TOX: variants seen among roughly 807,000 people sequenced by gnomAD.
TOX encodes the protein thymocyte selection associated high mobility group box.
TOX carries 11 observed loss-of-function variants against 53.7 expected under a neutral mutation model. That is an observed-to-expected ratio of 0.20 (90% CI 0.13 to 0.34). The LOEUF (loss-of-function observed/expected upper bound fraction) is 0.34, where lower values mean the gene tolerates loss of function less well. Among genes scored for constraint, TOX ranks in the 10% least tolerant of loss-of-function variants. TOX has a pLI of 1.00. For missense variants in TOX, 570 were observed against 664.6 expected, an observed-to-expected ratio of 0.86 and a Z score of 1.56; for synonymous variants, 225 against 245.3, an observed-to-expected ratio of 0.92 and a Z score of 0.77.
intron 3 of TOX, among the ~76,000 whole-genome samples, chr8:58,910,459 T>C (rs1421945883): frequency 1.3e-5 from 2 of 152,200 alleles, no homozygotes; most frequent in East Asian, 3.8e-4. Flanking sequence ...TAATGGATCC[T>C]GTGTGAACAG....
At chr8:58,891,091 G>C (rs182676852) in intron 3 of TOX, among the ~76,000 whole-genome samples, 1 of 152,186 alleles carries the variant, frequency 6.6e-6, no homozygotes, top group East Asian at 1.9e-4. Context: ...AGAAGGAAAA[G>C]GGCAGGCCAC....
At chr8:58,811,197 A>G (rs1810070213) in intron 7 of TOX, among the ~76,000 whole-genome samples, 1 of 152,260 alleles carries the variant, frequency 6.6e-6, no homozygotes, top group Non-Finnish European at 1.5e-5. Flanking sequence ...TGGTGTAAAT[A>G]TGAAACAACA....
intron 1 of TOX, among the ~76,000 whole-genome samples, chr8:58,968,585 A>G (rs1279358011): frequency 1.3e-5 from 2 of 152,210 alleles, no homozygotes; most frequent in Non-Finnish European, 2.9e-5. Flanking sequence ...CTCATTTACC[A>G]CAGTACCTAA....
At chr8:58,975,659 C>G (rs1220472458) in intron 1 of TOX, among the ~76,000 whole-genome samples, 1 of 152,146 alleles carries the variant, frequency 6.6e-6, no homozygotes, top group East Asian at 1.9e-4. Flanking sequence ...TAATAATCAC[C>G]TGAGCCTTCA....
chr8:58,889,212 C>CAAAAAA (rs10556451), intron 3 of TOX, among the ~76,000 whole-genome samples: 1,243 of 113,820 alleles, frequency 0.011, 2 homozygotes, highest in East Asian at 0.029. Flanking sequence ...TTTACAATAG[C>CAAAAAA]AAAAAAAAAA....
chr8:58,864,710 T>C (rs909497658), intron 3 of TOX, among the ~76,000 whole-genome samples: 10 of 152,168 alleles, frequency 6.6e-5, no homozygotes, highest in African/African-American at 1.9e-4. Context: ...GTAAAGCATG[T>C]TTTCTAGAAG....
intron 3 of TOX, among the ~76,000 whole-genome samples, chr8:58,919,176 G>T (rs1187019652): frequency 9.2e-5 from 14 of 151,450 alleles, no homozygotes; most frequent in Middle Eastern, 6.8e-3. Context: ...AGCTGCCAAT[G>T]ACTTTCTTCA....
Position 58,993,145 on chromosome 8 carries a change from G to A in TOX, c.103-33137C>T, listed in dbSNP as rs114036687. Among the ~76,000 whole-genome samples, 874 of 152,236 alleles carry A rather than the reference G, an allele frequency of 5.7e-3. 4 individuals carry two copies. Among genetic ancestry groups the A allele is most frequent in the African/African-American group, 0.02 (834 of 41,542 alleles). ...CTGAACTGGGAAGAGTAACCGTCCT[G>A]TTCTGGGGATGGACAGAACAGTGAA... On this transcript the variant is annotated intron_variant, in intron 1 of 8. Transcript: ENST00000361421.
chr8:59,087,805 G>T (rs1472542696), intron 1 of TOX, among the ~76,000 whole-genome samples: 1 of 152,198 alleles, frequency 6.6e-6, no homozygotes, highest in Admixed American at 6.5e-5. Flanking sequence ...CAGTTATGGG[G>T]TTTGATTTCA....
intron 1 of TOX, among the ~76,000 whole-genome samples, chr8:58,971,696 G>GT (rs57904058): frequency 1.3e-5 from 2 of 151,550 alleles, no homozygotes; most frequent in Non-Finnish European, 2.9e-5. Context: ...TTTTCGTTTT[G>GT]TTTTTTTTTG....
intron 1 of TOX, among the ~76,000 whole-genome samples, chr8:59,060,914 C>T (rs1803973419): frequency 6.6e-6 from 1 of 152,138 alleles, no homozygotes; most frequent in Non-Finnish European, 1.5e-5. Flanking sequence ...TCATAACCAA[C>T]CAAGGCTAGT....
chr8:59,057,934 C>T (rs780785061), intron 1 of TOX, among the ~76,000 whole-genome samples: 1 of 152,080 alleles, frequency 6.6e-6, no homozygotes, highest in Non-Finnish European at 1.5e-5. Flanking sequence ...GCAACCTCCA[C>T]CTCCCAGGTT....
chr8:59,029,932 A>G (rs992137806), intron 1 of TOX, among the ~76,000 whole-genome samples: 10 of 152,184 alleles, frequency 6.6e-5, no homozygotes, highest in African/African-American at 2.4e-4. Flanking sequence ...TCCTCTTTCA[A>G]TTAGGACTAA....
intron 1 of TOX, among the ~76,000 whole-genome samples, chr8:58,970,136 A>G (rs1011194323): frequency 6.6e-6 from 1 of 152,204 alleles, no homozygotes; most frequent in African/African-American, 2.4e-5. Context: ...GCATTAACTC[A>G]TTTAATCCTC....
At chr8:59,028,902 T>C (rs978568189) in intron 1 of TOX, among the ~76,000 whole-genome samples, 4 of 152,164 alleles carry the variant, frequency 2.6e-5, no homozygotes, top group African/African-American at 9.7e-5. Flanking sequence ...TTTTTATCAT[T>C]GCTATAGTTT....
chr8:59,092,330 A>T (rs868788477), intron 1 of TOX, among the ~76,000 whole-genome samples: 21 of 131,710 alleles, frequency 1.6e-4, no homozygotes, highest in African/African-American at 4.5e-4. Context: ...TATATATATT[A>T]TATATTATAT....
At chr8:58,817,784 T>C (rs367656983) in intron 6 of TOX, among the ~76,000 whole-genome samples, 1 of 152,192 alleles carries the variant, frequency 6.6e-6, no homozygotes, top group East Asian at 1.9e-4. Context: ...TTTATAGGTG[T>C]TGTTTTTAAT....
intron 3 of TOX, among the ~76,000 whole-genome samples, chr8:58,854,949 G>A (rs1457844024): frequency 2.0e-5 from 3 of 152,118 alleles, no homozygotes; most frequent in East Asian, 3.8e-4. Flanking sequence ...ATGCAAGTAA[G>A]CTAATGTTTT....
chr8:59,112,995 T>G (rs146157606), intron 1 of TOX, among the ~76,000 whole-genome samples: 3 of 152,326 alleles, frequency 2.0e-5, no homozygotes, highest in African/African-American at 7.2e-5. Context: ...AATCTTGAGA[T>G]TCACACTCAG....
Sources: allele counts gnomAD v4.1 joint callset (sites outside exome capture counted in the v4.1 genomes callset), GRCh38; gene constraint gnomAD v4.1.1; transcripts MANE v1.5; gene names NCBI Gene and HGNC (gene_info 2026-07-23, HGNC 2026-07-21).